The following NRXN3 variants were observed in gnomAD, a reference collection of about 807,000 sequenced individuals.
NRXN3 encodes the protein neurexin III.
A neutral mutation model predicts 137.6 loss-of-function variants in NRXN3; 32 were observed. The observed-to-expected ratio is 0.23, with a 90% CI of 0.18 to 0.31. The LOEUF (loss-of-function observed/expected upper bound fraction) is 0.31. Ranked by LOEUF, NRXN3 falls within the 10% of genes least tolerant of loss-of-function variation. The pLI is 1.00. For synonymous variants in NRXN3, 798 were observed against 784.5 expected (o/e 1.02, Z -0.29); for missense variants, 1,574 against 2,062.5 (o/e 0.76, Z 4.59).
rs17763916 is a variant in NRXN3, at chr14:79,498,162, C to T, written c.3444+30760C>T. Among the ~76,000 whole-genome samples the T allele has an allele frequency of 2.4e-3, 370 of 152,282 alleles. 1 individual carries two copies. The highest frequency in any genetic ancestry group is 3.8e-3 in the Non-Finnish European group (258 of 68,030). On this transcript the variant is annotated intron_variant, in intron 16 of 20. Transcript: ENST00000335750. Reference sequence around the variant, plus strand: ...CTTTTACCAAGTTTCCTATAATGAGCATGCGTTCTATGAGAAAAGGGCTAA... The same window carrying T: ...CTTTTACCAAGTTTCCTATAATGAGTATGCGTTCTATGAGAAAAGGGCTAA...
chr14:78,918,560 G>C (rs17108364), intron 10 of NRXN3, among the ~76,000 whole-genome samples: 1,988 of 152,208 alleles, frequency 0.013, 44 homozygotes, highest in African/African-American at 0.046. Flanking sequence ...TATGACTAAA[G>C]AGCGTAAAAT....
At chr14:78,178,230 C>T (rs565070681) in intron 1 of NRXN3, among the ~76,000 whole-genome samples, 15 of 152,296 alleles carry the variant, frequency 9.8e-5, no homozygotes, top group Admixed American at 4.6e-4. Flanking sequence ...CCTCTGGTTC[C>T]GCAAGTCTGG....
intron 4 of NRXN3, among the ~76,000 whole-genome samples, chr14:78,300,161 A>G (rs1597038294): frequency 6.6e-6 from 1 of 152,216 alleles, no homozygotes; most frequent in Non-Finnish European, 1.5e-5. Context: ...GCCCATAAAT[A>G]TGTGTGGAAA....
intron 4 of NRXN3, among the ~76,000 whole-genome samples, chr14:78,478,273 A>T (rs2095414181): frequency 6.6e-6 from 1 of 152,192 alleles, no homozygotes; most frequent in Non-Finnish European, 1.5e-5. Context: ...TAAGCACTAG[A>T]TACTGCAGTG....
chr14:79,776,083 C>T (rs1459630711), intron 19 of NRXN3, among the ~76,000 whole-genome samples: 1 of 152,140 alleles, frequency 6.6e-6, no homozygotes, highest in Non-Finnish European at 1.5e-5. Context: ...GTATGGCAGA[C>T]AAACGTTGGC....
chr14:78,333,736 A>G (rs2081114419), intron 4 of NRXN3, among the ~76,000 whole-genome samples: 1 of 152,160 alleles, frequency 6.6e-6, no homozygotes, highest in African/African-American at 2.4e-5. Context: ...TGTGGGGGGC[A>G]TATTTTATAA....
intron 2 of NRXN3, among the ~76,000 whole-genome samples, chr14:78,250,798 T>C (rs1341287808): frequency 2.0e-5 from 3 of 152,176 alleles, no homozygotes; most frequent in African/African-American, 7.2e-5. Flanking sequence ...CCTCTGCTTC[T>C]GGGCTCCCTC....
intron 15 of NRXN3, among the ~76,000 whole-genome samples, chr14:79,131,799 A>G (rs899903812): frequency 1.3e-5 from 2 of 152,144 alleles, no homozygotes; most frequent in African/African-American, 2.4e-5. Flanking sequence ...TTGCAGTTTG[A>G]TCTCAGACTG....
chr14:79,311,634 A>G (rs199979327), intron 15 of NRXN3, among the ~76,000 whole-genome samples: 2,656 of 107,010 alleles, frequency 0.025, 97 homozygotes, highest in South Asian at 0.031. Context: ...TCTCTTCAGA[A>G]ATTCAACTTC....
chr14:78,847,306 T>A (rs768468430), intron 10 of NRXN3, among the ~76,000 whole-genome samples: 1 of 152,142 alleles, frequency 6.6e-6, no homozygotes, highest in Non-Finnish European at 1.5e-5. Flanking sequence ...CCACGGCTTG[T>A]GACTGAATTA....
chr14:79,024,358 A>G (rs576160603), intron 15 of NRXN3, among the ~76,000 whole-genome samples: 1 of 152,296 alleles, frequency 6.6e-6, no homozygotes, highest in African/African-American at 2.4e-5. Flanking sequence ...ATAAAATTCA[A>G]TAAAATCAAA....
At position 78,778,476 on chromosome 14, in the gene NRXN3, G is replaced by A. The variant is rs562933091; in HGVS notation, c.2045-25144G>A. 1.2e-4 allele frequency among the ~76,000 whole-genome samples: 19 copies of A among 152,186 alleles called. 1 individual carries two copies. The South Asian group carries it at 3.9e-3, about 32-fold the overall frequency. On this transcript the variant is annotated intron_variant, in intron 8 of 20. Transcript: ENST00000335750. ...ACAAATTATCTCTTTATTTCTTAAG[G>A]ATTAGAAAAAATTTTGAGGAATCCT... is the stretch of plus-strand genomic sequence containing the variant.
intron 3 of NRXN3, among the ~76,000 whole-genome samples, chr14:78,290,697 C>A (rs1299800594): frequency 6.6e-6 from 1 of 152,188 alleles, no homozygotes; most frequent in African/African-American, 2.4e-5. Context: ...TTCCTGTAAA[C>A]ATTCTTCTCA....
At position 78,966,227 on chromosome 14, in the gene NRXN3, G is replaced by A. The variant is rs888404122; in HGVS notation, c.2598G>A (p.Arg866=). The A allele has an allele frequency of 4.3e-6, 7 of 1,614,040 alleles. No homozygotes were observed. Among genetic ancestry groups the A allele is most frequent in the Admixed American group, 1.7e-5 (1 of 59,996 alleles). Residue 866 remains arginine, a synonymous_variant, in exon 12 of 21, where the codon AGG becomes AGA. Transcript: ENST00000335750. ...AGCTGAAGGCTCGTTTTGGACTGAG[G>A]AACATCATCGCTGACCCTGTCACCT... ...YCELKARFGL[R]NIIADPVTFK...
chr14:79,486,958 T>TCTCTCTCC (rs1247551801), intron 16 of NRXN3, among the ~76,000 whole-genome samples: 1 of 107,500 alleles, frequency 9.3e-6, no homozygotes, highest in East Asian at 2.2e-4. Context: ...TCTCTCTCTC[T>TCTCTCTCC]CTCCCACACA....
At chr14:78,210,054 A>G (rs916849366) in intron 1 of NRXN3, among the ~76,000 whole-genome samples, 2 of 152,360 alleles carry the variant, frequency 1.3e-5, no homozygotes, top group Middle Eastern at 3.4e-3. Flanking sequence ...CTTAATAAAT[A>G]TTTATTGAAT....
chr14:79,163,742 T>G (rs1003224437), intron 15 of NRXN3, among the ~76,000 whole-genome samples: 1 of 151,896 alleles, frequency 6.6e-6, no homozygotes, highest in Admixed American at 6.6e-5. Context: ...TATGATAAGG[T>G]TTTTAATTAC....
intron 15 of NRXN3, among the ~76,000 whole-genome samples, chr14:79,316,294 A>G (rs1312816756): frequency 6.6e-6 from 1 of 152,242 alleles, no homozygotes; most frequent in South Asian, 2.1e-4. Context: ...AGAAAAAAGA[A>G]TGTACTTAGA....
intron 15 of NRXN3, among the ~76,000 whole-genome samples, chr14:79,213,627 G>T (rs187768619): frequency 1.5e-4 from 23 of 150,402 alleles, no homozygotes; most frequent in East Asian, 3.9e-4. Context: ...TTTTTTTTTG[G>T]GGGGGGGTGG....
Sources: allele counts gnomAD v4.1 joint callset (sites outside exome capture counted in the v4.1 genomes callset), GRCh38; gene constraint gnomAD v4.1.1; transcripts MANE v1.5; gene names NCBI Gene and HGNC (gene_info 2026-07-23, HGNC 2026-07-21).